Variants in CHMP3 observed in about 807,000 individuals in gnomAD.
CHMP3 encodes the protein 25.1 protein.
In CHMP3, 8 loss-of-function variants were observed where a neutral mutation model predicts 27.4. That is an observed-to-expected ratio of 0.29 (90% CI 0.17 to 0.53). The LOEUF (loss-of-function observed/expected upper bound fraction) is 0.53. Among genes scored for constraint, CHMP3 ranks in the 20% least tolerant of loss-of-function variants. The pLI is 0.96. For missense variants in CHMP3, 208 were observed against 271.5 expected (o/e 0.77, Z 1.64); for synonymous variants, 86 against 85.5 (o/e 1.01, Z -0.03).
At chr2:86,561,638 T>C (rs542243750) in intron 1 of CHMP3, 1 of 152,334 alleles carries the variant, frequency 6.6e-6, no homozygotes, top group South Asian at 2.1e-4. Flanking sequence ...ATCTTACCTG[T>C]TCGGCTCTGG....
chr2:86,515,453 G>A (rs1238891110), intron 3 of CHMP3: 1 of 152,300 alleles, frequency 6.6e-6, no homozygotes, highest in African/African-American at 2.4e-5. Flanking sequence ...CTCCTGAGTA[G>A]TTGGGATTAT....
At chr2:86,544,012 C>T (rs1010307326) in intron 1 of CHMP3, among the ~76,000 whole-genome samples, 3 of 152,206 alleles carry the variant, frequency 2.0e-5, no homozygotes, top group Admixed American at 6.5e-5. Flanking sequence ...TGCTTCCTGT[C>T]TCTATGGGAT....
intron 1 of CHMP3, among the ~76,000 whole-genome samples, chr2:86,553,038 T>G (rs12714190): frequency 0.69 from 80,901 of 116,806 alleles, 24,392 homozygotes; most frequent in East Asian, 0.78. Context: ...GGCAGCTTGA[T>G]GGGGGATGGT....
rs564732923 is a variant in CHMP3 at position 86,544,963 on chromosome 2, G to A, written c.46-2651C>T. Among the ~76,000 whole-genome samples, 40 of 111,748 alleles carry A rather than the reference G, an allele frequency of 3.6e-4. 1 individual carries two copies. The highest frequency in any genetic ancestry group is 1.9e-3 in the Admixed American group (20 of 10,790). 73.3% of individuals were successfully genotyped at this position (111,748 alleles called of 152,430 possible). A position where few individuals can be genotyped will look rare whatever the true frequency, so the allele number is the denominator to read the frequency against. ...CGCTCACTTCCTAGACGGGGCGGCC[G>A]GGCAGAGGCGCTCCTCACCTCCCAG... On this transcript the variant is annotated intron_variant, in intron 1 of 5. Coordinates refer to ENST00000263856, the MANE Select transcript of CHMP3 (RefSeq NM_016079.4).
intron 1 of CHMP3, among the ~76,000 whole-genome samples, chr2:86,556,934 C>A (rs1188573212): frequency 2.6e-5 from 4 of 152,176 alleles, no homozygotes; most frequent in Non-Finnish European, 5.9e-5. Context: ...GAAACAAGTA[C>A]CTGACGAGCT....
chr2:86,540,016 A>AT (rs1676301192), intron 2 of CHMP3, among the ~76,000 whole-genome samples: 1 of 152,110 alleles, frequency 6.6e-6, no homozygotes, highest in South Asian at 2.1e-4. Context: ...TTTTCTCACC[A>AT]TATGAAAGAT....
chr2:86,542,687 G>A (rs1317623149), intron 1 of CHMP3: 1 of 167,208 alleles, frequency 6.0e-6, no homozygotes, highest in African/African-American at 2.4e-5. Flanking sequence ...AAACTACTCT[G>A]TCTGTGTCAT....
intron 1 of CHMP3, among the ~76,000 whole-genome samples, chr2:86,545,595 A>G (rs1484744095): frequency 8.2e-6 from 1 of 122,678 alleles, no homozygotes; most frequent in Admixed American, 8.4e-5. Context: ...ACTGCCGGGC[A>G]GAGGCGCTCC....
At chr2:86,527,957 T>G (rs912324948) in intron 3 of CHMP3, among the ~76,000 whole-genome samples, 1 of 151,874 alleles carries the variant, frequency 6.6e-6, no homozygotes, top group African/African-American at 2.4e-5. Flanking sequence ...AAAGACTCTA[T>G]CTCAAAAAAA....
chr2:86,554,849 ATTT>A (rs70956122), intron 1 of CHMP3, among the ~76,000 whole-genome samples: 4 of 127,788 alleles, frequency 3.1e-5, no homozygotes, highest in African/African-American at 3.2e-5. Flanking sequence ...GTGTGTGTAG[ATTT>A]TTTTTTTTTT....
intron 3 of CHMP3, among the ~76,000 whole-genome samples, chr2:86,519,691 G>T (rs1675452738): frequency 6.6e-6 from 1 of 152,142 alleles, no homozygotes; most frequent in Admixed American, 6.5e-5. Flanking sequence ...GAAGGCAGAT[G>T]ATTTTCACTC....
intron 2 of CHMP3, among the ~76,000 whole-genome samples, chr2:86,535,915 C>A (rs1321622793): frequency 6.6e-6 from 1 of 151,810 alleles, no homozygotes; most frequent in Non-Finnish European, 1.5e-5. Context: ...CACTATGTGT[C>A]CAAAAACAGA....
At chr2:86,544,101 G>A (rs1018152797) in intron 1 of CHMP3, among the ~76,000 whole-genome samples, 4 of 152,118 alleles carry the variant, frequency 2.6e-5, no homozygotes, top group African/African-American at 9.7e-5. Context: ...TGTTTTCAAG[G>A]TGCCTCCATG....
chr2:86,519,148 TG>T (rs1373024435), intron 3 of CHMP3, among the ~76,000 whole-genome samples: 7 of 151,942 alleles, frequency 4.6e-5, no homozygotes, highest in Non-Finnish European at 1.0e-4. Flanking sequence ...CCCAGGCAGG[TG>T]GATCACCTGA....
rs1364265840 is a variant in CHMP3, at chr2:86,510,370, T to C, written c.396A>G (p.Lys132=). 6.2e-7 allele frequency: 1 copy of C among 1,611,168 alleles called. No individual in the cohort carries two copies. Among genetic ancestry groups the C allele is most frequent in the East Asian group, 2.2e-5 (1 of 44,690 alleles). The change falls in exon 4 of 6, where the codon AAA becomes AAG. Residue 132 remains lysine (K), a synonymous_variant. Coordinates refer to ENST00000263856, the MANE Select transcript of CHMP3 (RefSeq NM_016079.4). ...EIQATMRELS[K]EMMKAGIIEE... ...AGCCCCAAGTCACCTTCATCATTTC[T>C]TTGGACAACTCCCTCATGGTGGCCT...
intron 3 of CHMP3, chr2:86,511,301 C>T (rs1217637759): frequency 1.3e-5 from 2 of 152,130 alleles, no homozygotes; most frequent in African/African-American, 2.4e-5. Flanking sequence ...TAAGGGAAAA[C>T]AAGAGTGACC....
At chr2:86,514,205 C>A (rs1310503642) in intron 3 of CHMP3, among the ~76,000 whole-genome samples, 1 of 152,152 alleles carries the variant, frequency 6.6e-6, no homozygotes, top group Non-Finnish European at 1.5e-5. Flanking sequence ...CAGCTCGAAG[C>A]AGGGACAGGC....
chr2:86,544,051 A>G (rs1676462270), intron 1 of CHMP3, among the ~76,000 whole-genome samples: 1 of 152,252 alleles, frequency 6.6e-6, no homozygotes, highest in Admixed American at 6.5e-5. Context: ...AAGGAATCAC[A>G]CAATGTGTTA....
chr2:86,553,290 G>A (rs1030128661), intron 1 of CHMP3, among the ~76,000 whole-genome samples: 7 of 151,514 alleles, frequency 4.6e-5, no homozygotes, highest in African/African-American at 9.7e-5. Context: ...TTTTACAAAC[G>A]AGTCTTTATT....
Sources: gnomAD v4.1 joint callset for allele counts (sites outside exome capture counted in the v4.1 genomes callset) on GRCh38, gnomAD v4.1.1 for gene constraint, MANE v1.5 for transcripts, NCBI Gene and HGNC (gene_info 2026-07-23, HGNC 2026-07-21) for gene names.